Variants in DACH2 observed in about 807,000 individuals in gnomAD.
DACH2 encodes dachshund homolog 2.
Under a neutral mutation model 35.8 loss-of-function variants are expected in DACH2, and 17 were observed. The observed-to-expected ratio is 0.48, with a 90% CI of 0.33 to 0.71. The LOEUF is 0.71. Among genes scored for constraint, DACH2 ranks in the 30% least tolerant of loss-of-function variants. The pLI is 0.02. For synonymous variants in DACH2, 195 were observed against 177.3 expected (o/e 1.10, Z -0.79); for missense variants, 469 against 472.7 (o/e 0.99, Z 0.07).
At chrX:86,650,607 G>A (rs1461375790) in intron 3 of DACH2, among the ~76,000 whole-genome samples, 1 of 111,464 alleles carries the variant, frequency 9.0e-6, no homozygotes, top group Non-Finnish European at 1.9e-5. Context: ...AAAACTCTTA[G>A]CAGACAAAAG....
chrX:86,622,049 GA>G (rs1169478657), intron 3 of DACH2, among the ~76,000 whole-genome samples: 2 of 110,895 alleles, frequency 1.8e-5, no homozygotes, highest in Non-Finnish European at 3.8e-5. Context: ...ATTTATGAAT[GA>G]AAAAAACTTG....
intron 2 of DACH2, among the ~76,000 whole-genome samples, chrX:86,391,540 A>T (rs977980057): frequency 9.0e-6 from 1 of 110,812 alleles, no homozygotes; most frequent in Non-Finnish European, 1.9e-5. Flanking sequence ...GTCTTTCTAC[A>T]TGAGGTTTTA....
chrX:86,783,046 A>G (rs1161454011), intron 7 of DACH2, among the ~76,000 whole-genome samples: 2 of 111,965 alleles, frequency 1.8e-5, no homozygotes, highest in Admixed American at 1.9e-4. Flanking sequence ...AGAATATATA[A>G]TAAACTCAAA....
chrX:86,437,355 C>A (rs923598200), intron 2 of DACH2, among the ~76,000 whole-genome samples: 8 of 111,368 alleles, frequency 7.2e-5, no homozygotes, highest in African/African-American at 9.8e-5. Context: ...TAACTATGGT[C>A]ATCCTACTTT....
chrX:86,282,290 G>T (rs1279313034), intron 1 of DACH2, among the ~76,000 whole-genome samples: 2 of 111,506 alleles, frequency 1.8e-5, no homozygotes, highest in Admixed American at 9.6e-5. Flanking sequence ...GCATGGTACT[G>T]GTACCAAAAC....
chrX:86,666,141 C>G (rs1250904221), intron 4 of DACH2, among the ~76,000 whole-genome samples: 1 of 111,226 alleles, frequency 9.0e-6, no homozygotes, highest in African/African-American at 3.3e-5. Context: ...GTCATTTTGC[C>G]TGGTTCCTTT....
chrX:86,769,093 G>T (rs191265361), intron 7 of DACH2, among the ~76,000 whole-genome samples: 2 of 110,730 alleles, frequency 1.8e-5, no homozygotes, highest in African/African-American at 6.6e-5. Context: ...TGCAGAAAAA[G>T]AATTAGATAA....
At chrX:86,514,951 T>C (rs770827585) in intron 3 of DACH2, among the ~76,000 whole-genome samples, 16 of 111,749 alleles carry the variant, frequency 1.4e-4, no homozygotes, top group Non-Finnish European at 2.6e-4. Context: ...TCCAGTGTTA[T>C]AAATTAGCAT....
intron 1 of DACH2, among the ~76,000 whole-genome samples, chrX:86,192,461 T>C (rs2031859831): frequency 8.9e-6 from 1 of 112,162 alleles, no homozygotes; most frequent in South Asian, 3.7e-4. Context: ...AGCATGACTT[T>C]AGTGTATGTG....
chrX:86,804,083 G>A (rs1012750034), intron 7 of DACH2, among the ~76,000 whole-genome samples: 11 of 111,797 alleles, frequency 9.8e-5, no homozygotes, highest in Admixed American at 7.6e-4. Context: ...GACCAGACAT[G>A]TTTCCATTAT....
At chrX:86,545,089 A>G (rs59337384) in intron 3 of DACH2, among the ~76,000 whole-genome samples, 6,566 of 112,042 alleles carry the variant, frequency 0.059, 152 homozygotes, top group Middle Eastern at 0.1. Flanking sequence ...GCCACCATGC[A>G]TCGCCTTGCA....
At chrX:86,326,990 G>A (rs749430600) in intron 1 of DACH2, among the ~76,000 whole-genome samples, 1 of 111,732 alleles carries the variant, frequency 8.9e-6, no homozygotes, top group East Asian at 2.8e-4. Flanking sequence ...TATTTTTCAA[G>A]AGTTGACTGT....
At chrX:86,501,623 A>G (rs1390438441) in intron 2 of DACH2, among the ~76,000 whole-genome samples, 3 of 111,874 alleles carry the variant, frequency 2.7e-5, no homozygotes, top group African/African-American at 9.7e-5. Context: ...CTAACAACTG[A>G]CCTTGCTTCC....
chrX:86,403,185 G>T (rs553894610), intron 2 of DACH2, among the ~76,000 whole-genome samples: 1 of 111,986 alleles, frequency 8.9e-6, no homozygotes, highest in East Asian at 2.8e-4. Context: ...TTGAGAAATG[G>T]GACCTAATTA....
At chrX:86,774,921 C>A (rs972378775) in intron 7 of DACH2, among the ~76,000 whole-genome samples, 1 of 111,002 alleles carries the variant, frequency 9.0e-6, no homozygotes, top group Non-Finnish European at 1.9e-5. Context: ...TTATCATGTA[C>A]AAAATAGAAT....
chrX:86,656,844 CAT>C (rs1491412731), intron 4 of DACH2, among the ~76,000 whole-genome samples: 59 of 65,485 alleles, frequency 9.0e-4, no homozygotes, highest in Middle Eastern at 7.5e-3. Flanking sequence ...TATTAAAATA[CAT>C]GTGTGTGTGT....
At chrX:86,215,632 T>G (rs2147917920) in intron 1 of DACH2, among the ~76,000 whole-genome samples, 1 of 111,744 alleles carries the variant, frequency 8.9e-6, no homozygotes, top group East Asian at 2.8e-4. Flanking sequence ...TTTGAGGTTG[T>G]GCCACTTCAA....
At chrX:86,704,613 A>G (rs1252855671) in intron 5 of DACH2, among the ~76,000 whole-genome samples, 1 of 111,510 alleles carries the variant, frequency 9.0e-6, no homozygotes, top group East Asian at 2.8e-4. Flanking sequence ...CAAAAACAAT[A>G]CCATCAAAAA....
intron 4 of DACH2, among the ~76,000 whole-genome samples, chrX:86,656,845 A>ATG (rs200143799): frequency 0.018 from 1,425 of 78,409 alleles, 15 homozygotes; most frequent in Non-Finnish European, 0.025. Flanking sequence ...ATTAAAATAC[A>ATG]TGTGTGTGTG....
Sources: allele counts gnomAD v4.1 joint callset (sites outside exome capture counted in the v4.1 genomes callset), GRCh38; gene constraint gnomAD v4.1.1; transcripts MANE v1.5; gene names NCBI Gene and HGNC (gene_info 2026-07-23, HGNC 2026-07-21).